ABCA13: variants seen among roughly 807,000 people sequenced by gnomAD.
ABCA13 encodes the protein ATP binding cassette subfamily A member 13.
A neutral mutation model predicts 478.7 loss-of-function variants in ABCA13; 476 were observed. That is an observed-to-expected ratio of 0.99 (90% CI 0.92 to 1.07). ABCA13 has a LOEUF of 1.07. Ranked by LOEUF, ABCA13 falls within the 50% of genes least tolerant of loss-of-function variation. ABCA13 has a pLI of 0.00. For missense variants in ABCA13, 6,060 were observed against 5,910.6 expected (o/e 1.03, Z -0.83); for synonymous variants, 2,252 against 2,158.9 (o/e 1.04, Z -1.20).
intron 19 of ABCA13, among the ~76,000 whole-genome samples, chr7:48,286,933 C>G (rs1018831667): frequency 1.3e-5 from 2 of 152,004 alleles, no homozygotes; most frequent in Admixed American, 1.3e-4. Flanking sequence ...TCTGTCATGA[C>G]CAAGCATCTA....
At chr7:48,619,719 G>A (rs546011405) in intron 59 of ABCA13, among the ~76,000 whole-genome samples, 3 of 152,254 alleles carry the variant, frequency 2.0e-5, no homozygotes, top group South Asian at 4.2e-4. Context: ...AGGAAAAGCC[G>A]AGAAATCAAA....
chr7:48,587,918 G>A (rs1789351765), intron 57 of ABCA13, among the ~76,000 whole-genome samples: 1 of 152,202 alleles, frequency 6.6e-6, no homozygotes, highest in African/African-American at 2.4e-5. Flanking sequence ...TACAAGTAAT[G>A]CCATTGAAAG....
chr7:48,376,726 G>GA (rs1271450038), intron 35 of ABCA13, among the ~76,000 whole-genome samples, 154 bp downstream of exon 35: 9 of 152,074 alleles, frequency 5.9e-5, no homozygotes, highest in Non-Finnish European at 1.5e-5. Flanking sequence ...ACATTTTTGA[G>GA]AAAAAATGTG....
At position 48,205,827 on chromosome 7, in the gene ABCA13, T is replaced by C. The variant is rs142843819; in HGVS notation, c.287+7467T>C. ...TAGTATTTTTTAAAAAGTTACACTA[T>C]GTTACTTATCATTGCTTGTGTAATG... is the stretch of plus-strand genomic sequence containing the variant. On this transcript the variant is annotated intron_variant, in intron 3 of 61. Transcript: ENST00000435803. 2.4e-3 allele frequency among the ~76,000 whole-genome samples: 372 copies of C among 152,354 alleles called. 5 individuals are homozygous for C. Among genetic ancestry groups the C allele is most frequent in the African/African-American group, 8.5e-3 (354 of 41,560 alleles).
intron 43 of ABCA13, among the ~76,000 whole-genome samples, chr7:48,456,879 T>A (rs1050777996): frequency 1.3e-5 from 2 of 152,184 alleles, no homozygotes; most frequent in Admixed American, 1.3e-4. Context: ...GACTATCTAC[T>A]TATTCTTACC....
At chr7:48,412,037 C>G (rs1819327659) in intron 40 of ABCA13, among the ~76,000 whole-genome samples, 1 of 152,162 alleles carries the variant, frequency 6.6e-6, no homozygotes. Flanking sequence ...CTGTGACTCT[C>G]CCAGTGGACG....
At chr7:48,620,767 G>A (rs1318024) in intron 59 of ABCA13, among the ~76,000 whole-genome samples, 62,225 of 151,936 alleles carry the variant, frequency 0.41, 13,512 homozygotes, top group African/African-American at 0.54. Flanking sequence ...CTAAGAGGAG[G>A]CAGGTGTATG....
chr7:48,294,435 T>TGTATG (rs1183577810), intron 20 of ABCA13, among the ~76,000 whole-genome samples: 1 of 94,268 alleles, frequency 1.1e-5, no homozygotes, highest in African/African-American at 3.6e-5. Context: ...GTTTTTTTTT[T>TGTATG]TTTTTTGTTT....
intron 43 of ABCA13, among the ~76,000 whole-genome samples, chr7:48,465,630 A>G (rs1365474142): frequency 6.6e-6 from 1 of 151,268 alleles, no homozygotes; most frequent in African/African-American, 2.4e-5. Context: ...CGTACGATGT[A>G]TAATAACCAA....
chr7:48,186,796 A>G (rs1173406581), intron 1 of ABCA13, among the ~76,000 whole-genome samples: 1 of 152,060 alleles, frequency 6.6e-6, no homozygotes, highest in Non-Finnish European at 1.5e-5. Flanking sequence ...AAGAAAAATG[A>G]CATTCTTTTA....
intron 38 of ABCA13, among the ~76,000 whole-genome samples, chr7:48,394,502 T>C (rs1816549060): frequency 6.6e-6 from 1 of 152,218 alleles, no homozygotes. Flanking sequence ...CTCACTCTCC[T>C]GAGTCCCCTC....
At chr7:48,587,864 G>T (rs1304472071) in intron 57 of ABCA13, among the ~76,000 whole-genome samples, 1 of 152,168 alleles carries the variant, frequency 6.6e-6, no homozygotes, top group East Asian at 1.9e-4. Context: ...GTCAAGAAAT[G>T]GAGTTAATTA....
At chr7:48,533,621 A>C (rs889200842) in intron 55 of ABCA13, among the ~76,000 whole-genome samples, 2 of 151,832 alleles carry the variant, frequency 1.3e-5, no homozygotes, top group African/African-American at 4.8e-5. Flanking sequence ...TTGTGTTGCT[A>C]TCTGTCTCAT....
At chr7:48,612,708 A>G (rs951227320) in intron 58 of ABCA13, among the ~76,000 whole-genome samples, 1 of 152,234 alleles carries the variant, frequency 6.6e-6, no homozygotes, top group African/African-American at 2.4e-5. Context: ...ATAAGTTGTT[A>G]CATGCATTTA....
At position 48,403,886 on chromosome 7, in the gene ABCA13, A is replaced by T; in HGVS notation, c.12070+7A>T. Reference sequence around the variant, plus strand: ...CTGCTCAAGTACCGAGAAGGTAGGCACTGGGCCTCATTCTGCCTTCTCTTC... The same window carrying T: ...CTGCTCAAGTACCGAGAAGGTAGGCTCTGGGCCTCATTCTGCCTTCTCTTC... On this transcript the variant is annotated splice_region_variant and intron_variant, in intron 39 of 61. Transcript: ENST00000435803. The T allele has an allele frequency of 6.2e-7, 1 of 1,610,732 alleles. No individual in the cohort carries two copies. The highest frequency in any genetic ancestry group is 8.5e-7 in the Non-Finnish European group (1 of 1,178,484).
chr7:48,542,533 A>G (rs1384105400), intron 55 of ABCA13, among the ~76,000 whole-genome samples: 2 of 151,768 alleles, frequency 1.3e-5, no homozygotes, highest in Non-Finnish European at 3.0e-5. Context: ...TGAAGTGGCC[A>G]GAAAAAATAA....
At position 48,552,486 on chromosome 7, in the gene ABCA13, A is replaced by G. The variant is rs527972299; in HGVS notation, c.14354+24141A>G. On this transcript the variant is annotated intron_variant, in intron 55 of 61. Transcript: ENST00000435803. ...TGGATACAGAATTTGGACCTACAACATAGGTTGAATAGAAATGTATAGGTC... is the reference window on the plus strand; with the variant it reads ...TGGATACAGAATTTGGACCTACAACGTAGGTTGAATAGAAATGTATAGGTC... 4.6e-5 allele frequency among the ~76,000 whole-genome samples: 7 copies of G among 151,860 alleles called. No individual in the cohort carries two copies. The South Asian group carries it at 1.5e-3, about 32-fold the overall frequency.
chr7:48,541,167 G>A (rs1470026482), intron 55 of ABCA13, among the ~76,000 whole-genome samples: 1 of 152,118 alleles, frequency 6.6e-6, no homozygotes, highest in Non-Finnish European at 1.5e-5. Flanking sequence ...TTGGAGACAA[G>A]TTTTCTGATG....
At chr7:48,306,488 T>G (rs1800918074) in intron 23 of ABCA13, among the ~76,000 whole-genome samples, 1 of 152,154 alleles carries the variant, frequency 6.6e-6, no homozygotes, top group South Asian at 2.1e-4. Flanking sequence ...TGCAAAAGCC[T>G]ATTTTGTGGG....
Sources: allele counts gnomAD v4.1 joint callset (sites outside exome capture counted in the v4.1 genomes callset), GRCh38; gene constraint gnomAD v4.1.1; transcripts MANE v1.5; gene names NCBI Gene and HGNC (gene_info 2026-07-23, HGNC 2026-07-21).